SEC24D: variants seen among roughly 807,000 people sequenced by gnomAD.
SEC24D encodes SEC24 homolog D, COPII component, also known as protein transport protein Sec24D.
A neutral mutation model predicts 116.9 loss-of-function variants in SEC24D; 69 were observed. The ratio of observed to expected loss-of-function variants is 0.59; its 90% CI spans 0.49 to 0.72. The LOEUF (loss-of-function observed/expected upper bound fraction) is 0.72. Ranked by LOEUF, SEC24D falls within the 30% of genes least tolerant of loss-of-function variation. SEC24D has a pLI of 0.00. For missense variants in SEC24D, 1,131 were observed against 1,264.1 expected (o/e 0.89, Z 1.60); for synonymous variants, 405 against 442.8 (o/e 0.91, Z 1.07).
rs11723368 is a variant in SEC24D, at chr4:118,752,824, A to G, written c.1486T>C (p.Phe496Leu). 6.2e-7 allele frequency: 1 copy of G among 1,610,772 alleles called. No individual in the cohort carries two copies. Among genetic ancestry groups the G allele is most frequent in the Non-Finnish European group, 8.5e-7 (1 of 1,178,778 alleles). The change falls in exon 12 of 23, where the codon TTC becomes CTC. Residue 496 changes from phenylalanine to leucine, a missense_variant. Transcript: ENST00000280551. ...GCCAGATTACTCTTCACATTAAAGA[A>G]ATGGAGAACTTTGTTATATGTGATA... is the stretch of plus-strand genomic sequence containing the variant. Reference protein sequence around the residue: ...GFITYNKVLHFFNVKSNLAQP... With the variant: ...GFITYNKVLHLFNVKSNLAQP...
At chr4:118,762,605 CA>C (rs1302849299) in intron 10 of SEC24D, among the ~76,000 whole-genome samples, 4 of 152,102 alleles carry the variant, frequency 2.6e-5, no homozygotes, top group African/African-American at 7.2e-5. Context: ...GTAAAAAATA[CA>C]TGTACAAATT....
chr4:118,829,694 C>T (rs1730757900), intron 2 of SEC24D, among the ~76,000 whole-genome samples: 1 of 152,086 alleles, frequency 6.6e-6, no homozygotes, highest in Non-Finnish European at 1.5e-5. Flanking sequence ...TGCCTGTAAT[C>T]TCAGCTACTC....
chr4:118,795,455 C>T (rs1386938598), intron 8 of SEC24D, among the ~76,000 whole-genome samples: 3 of 152,018 alleles, frequency 2.0e-5, no homozygotes, highest in Non-Finnish European at 2.9e-5. Flanking sequence ...GTGATTCACC[C>T]GCCTCAGCCT....
intron 11 of SEC24D, among the ~76,000 whole-genome samples, chr4:118,754,274 C>T (rs1726973136): frequency 6.6e-6 from 1 of 152,050 alleles, no homozygotes; most frequent in African/African-American, 2.4e-5. Context: ...TCACACACAC[C>T]TCAATTATCC....
chr4:118,768,802 C>A (rs1159108938), intron 8 of SEC24D, among the ~76,000 whole-genome samples: 1 of 152,134 alleles, frequency 6.6e-6, no homozygotes, highest in African/African-American at 2.4e-5. Context: ...GTCCAGAATA[C>A]CCAAACAAAA....
At chr4:118,792,655 T>C (rs1447855331) in intron 8 of SEC24D, among the ~76,000 whole-genome samples, 1 of 152,174 alleles carries the variant, frequency 6.6e-6, no homozygotes, top group East Asian at 1.9e-4. Flanking sequence ...TTAAGGGCGG[T>C]GCAAGATGTG....
At chr4:118,810,074 C>CTGTGTGTGTG (rs71595321) in intron 6 of SEC24D, among the ~76,000 whole-genome samples, 1,984 of 38,490 alleles carry the variant, frequency 0.052, 219 homozygotes, top group Admixed American at 0.059. Flanking sequence ...TCAGAGGTAG[C>CTGTGTGTGTG]TGTGTGTGTG....
At chr4:118,824,866 C>T in intron 2 of SEC24D, 117 bp from the exon 3 acceptor site, 1 of 909,690 alleles carries the variant, frequency 1.1e-6, no homozygotes, top group Non-Finnish European at 1.6e-6. Flanking sequence ...TGGATTAGAA[C>T]AAAATCTCTT....
intron 8 of SEC24D, among the ~76,000 whole-genome samples, chr4:118,773,125 A>G (rs1475710143): frequency 6.6e-6 from 1 of 152,158 alleles, no homozygotes; most frequent in Non-Finnish European, 1.5e-5. Flanking sequence ...TTTTCAATGT[A>G]TACTTCTTCC....
At chr4:118,825,321 C>G in intron 2 of SEC24D, 1 of 291,732 alleles carries the variant, frequency 3.4e-6, no homozygotes, top group Non-Finnish European at 6.7e-6. Flanking sequence ...GGGGACTGCT[C>G]ACTCACAGAG....
intron 7 of SEC24D, among the ~76,000 whole-genome samples, chr4:118,798,290 T>C (rs546390875): frequency 6.6e-6 from 1 of 152,346 alleles, no homozygotes; most frequent in African/African-American, 2.4e-5. Flanking sequence ...ATGATTCCAT[T>C]TGACTATTTT....
chr4:118,818,789 C>A (rs1165390919), intron 3 of SEC24D, among the ~76,000 whole-genome samples: 2 of 151,960 alleles, frequency 1.3e-5, no homozygotes, highest in Non-Finnish European at 2.9e-5. Context: ...ATGGTCTTTC[C>A]ATTCTTTCCA....
intron 8 of SEC24D, among the ~76,000 whole-genome samples, chr4:118,776,653 T>A (rs1384250708): frequency 6.6e-6 from 1 of 152,180 alleles, no homozygotes; most frequent in Non-Finnish European, 1.5e-5. Context: ...TGTTTAAAAC[T>A]TTTGAGTAAG....
At chr4:118,776,538 T>C (rs181114018) in intron 8 of SEC24D, among the ~76,000 whole-genome samples, 1 of 152,292 alleles carries the variant, frequency 6.6e-6, no homozygotes, top group East Asian at 1.9e-4. Flanking sequence ...TAGGTAATGA[T>C]TCTTAAGCAA....
At chr4:118,737,259 G>T (rs1220955370) in intron 19 of SEC24D, among the ~76,000 whole-genome samples, 1 of 152,182 alleles carries the variant, frequency 6.6e-6, no homozygotes, top group Non-Finnish European at 1.5e-5. Flanking sequence ...CAAATCTTCT[G>T]AATAATAAAG....
intron 7 of SEC24D, among the ~76,000 whole-genome samples, chr4:118,803,728 C>T (rs1262466954): frequency 6.6e-6 from 1 of 152,118 alleles, no homozygotes; most frequent in Non-Finnish European, 1.5e-5. Context: ...AGCTTTGCCT[C>T]CTACTAGCTA....
At chr4:118,770,048 G>A (rs978828627) in intron 8 of SEC24D, among the ~76,000 whole-genome samples, 1 of 152,146 alleles carries the variant, frequency 6.6e-6, no homozygotes, top group African/African-American at 2.4e-5. Flanking sequence ...GTCAGTTATT[G>A]TAAAAACATT....
chr4:118,834,072 C>T (rs1045742407), intron 1 of SEC24D, among the ~76,000 whole-genome samples: 2 of 152,200 alleles, frequency 1.3e-5, no homozygotes, highest in Non-Finnish European at 2.9e-5. Context: ...CTTTTGGTTT[C>T]CATGGTCACA....
chr4:118,800,987 C>A (rs934882024), intron 7 of SEC24D, among the ~76,000 whole-genome samples: 3 of 152,134 alleles, frequency 2.0e-5, no homozygotes, highest in Non-Finnish European at 4.4e-5. Flanking sequence ...AAAGGCCAGT[C>A]ACGGTGGCTC....
Sources: allele counts gnomAD v4.1 joint callset (sites outside exome capture counted in the v4.1 genomes callset), GRCh38; gene constraint gnomAD v4.1.1; transcripts MANE v1.5; gene names NCBI Gene and HGNC (gene_info 2026-07-23, HGNC 2026-07-21).